The following ADGRL3 variants were observed in gnomAD, a reference collection of about 807,000 sequenced individuals.
ADGRL3 encodes calcium-independent alpha-latrotoxin receptor 3.
A neutral mutation model predicts 153.5 loss-of-function variants in ADGRL3; 62 were observed. That is an observed-to-expected ratio of 0.40 (90% CI 0.33 to 0.50). ADGRL3 has a LOEUF of 0.50. ADGRL3 is among the 20% of genes least tolerant of loss of function. The pLI is 0.47. For missense variants in ADGRL3, 1,641 were observed against 1,859.4 expected (o/e 0.88, Z 2.16); for synonymous variants, 710 against 672.5 (o/e 1.06, Z -0.86).
chr4:61,300,518 G>A (rs1291590147), intron 1 of ADGRL3, among the ~76,000 whole-genome samples: 3 of 152,142 alleles, frequency 2.0e-5, no homozygotes, highest in Admixed American at 2.0e-4. Flanking sequence ...AAGTGAATGA[G>A]AGGAAAGCAG....
intron 3 of ADGRL3, among the ~76,000 whole-genome samples, chr4:61,510,862 C>T (rs913310270): frequency 7.2e-5 from 11 of 151,920 alleles, no homozygotes; most frequent in African/African-American, 2.2e-4. Flanking sequence ...GGCAGTATGG[C>T]GATTCTAGCA....
intron 2 of ADGRL3, among the ~76,000 whole-genome samples, chr4:61,390,622 A>G (rs2096791381): frequency 6.6e-6 from 1 of 152,226 alleles, no homozygotes; most frequent in Non-Finnish European, 1.5e-5. Context: ...TGATGAATTA[A>G]CAAATAGATA....
chr4:61,629,545 C>T (rs1343128183), intron 5 of ADGRL3, among the ~76,000 whole-genome samples: 1 of 150,878 alleles, frequency 6.6e-6, no homozygotes, highest in Admixed American at 6.6e-5. Context: ...GGTAAAATCC[C>T]CTCTCTACTA....
intron 2 of ADGRL3, among the ~76,000 whole-genome samples, chr4:61,437,536 C>T (rs969074070): frequency 6.6e-6 from 1 of 152,136 alleles, no homozygotes; most frequent in African/African-American, 2.4e-5. Context: ...GCTGCCACTG[C>T]TATTTGAGTT....
chr4:61,659,155 A>G (rs987653488), intron 5 of ADGRL3, among the ~76,000 whole-genome samples: 3 of 152,112 alleles, frequency 2.0e-5, no homozygotes, highest in Non-Finnish European at 4.4e-5. Flanking sequence ...CCCTCTTCTT[A>G]TAAGGACACT....
intron 1 of ADGRL3, among the ~76,000 whole-genome samples, chr4:61,315,065 A>C (rs2095158255): frequency 6.6e-6 from 1 of 152,228 alleles, no homozygotes. Context: ...AAAGAAGGCT[A>C]CCTAAGGAAG....
At chr4:61,544,448 C>T (rs947451136) in intron 4 of ADGRL3, among the ~76,000 whole-genome samples, 7 of 152,112 alleles carry the variant, frequency 4.6e-5, no homozygotes, top group Non-Finnish European at 8.8e-5. Context: ...TTAAGAACTA[C>T]TGATGGTAAG....
intron 6 of ADGRL3, among the ~76,000 whole-genome samples, chr4:61,698,497 A>T (rs1420495511): frequency 2.0e-5 from 3 of 152,058 alleles, no homozygotes; most frequent in Admixed American, 2.0e-4. Context: ...ATACAAAAAT[A>T]CTTATTGAGC....
chr4:61,849,148 C>CT (rs1306404405), intron 9 of ADGRL3, among the ~76,000 whole-genome samples: 1 of 152,122 alleles, frequency 6.6e-6, no homozygotes, highest in African/African-American at 2.4e-5. Flanking sequence ...GTCTGGATTC[C>CT]TTTTTTCTCC....
chr4:61,348,699 T>C (rs2095977189), intron 1 of ADGRL3, among the ~76,000 whole-genome samples: 1 of 152,054 alleles, frequency 6.6e-6, no homozygotes, highest in Non-Finnish European at 1.5e-5. Context: ...GTTGATATAA[T>C]AATGAATTTA....
chr4:61,458,957 A>G (rs1044685963), intron 2 of ADGRL3, among the ~76,000 whole-genome samples: 2 of 151,544 alleles, frequency 1.3e-5, no homozygotes, highest in Non-Finnish European at 3.0e-5. Context: ...ATGAATGCTT[A>G]TTCAAAAATA....
intron 25 of ADGRL3, among the ~76,000 whole-genome samples, chr4:62,057,514 C>T (rs1049311961): frequency 2.0e-5 from 3 of 152,082 alleles, no homozygotes; most frequent in Admixed American, 2.0e-4. Flanking sequence ...GCTTTAGGAT[C>T]TGACTTTCTT....
At chr4:61,804,100 A>C (rs1179779557) in intron 8 of ADGRL3, among the ~76,000 whole-genome samples, 1 of 152,160 alleles carries the variant, frequency 6.6e-6, no homozygotes, top group African/African-American at 2.4e-5. Flanking sequence ...ATATATTTTA[A>C]ATTATCTTGA....
At chr4:61,677,661 A>G (rs1317976270) in intron 6 of ADGRL3, among the ~76,000 whole-genome samples, 2 of 152,030 alleles carry the variant, frequency 1.3e-5, no homozygotes. Flanking sequence ...AAAATCACTC[A>G]GGAAATTATG....
chr4:61,429,876 A>G (rs1291119137), intron 2 of ADGRL3, among the ~76,000 whole-genome samples: 2 of 152,140 alleles, frequency 1.3e-5, no homozygotes, highest in Non-Finnish European at 2.9e-5. Context: ...TATTTACCAC[A>G]CAGATGTCAT....
chr4:62,070,711 G>A lies in ADGRL3; in HGVS notation c.4435G>A (p.Ala1479Thr). The A allele has an allele frequency of 6.4e-7, 1 of 1,551,602 alleles. No homozygotes were observed. The highest frequency in any genetic ancestry group is 8.7e-7 in the Non-Finnish European group (1 of 1,146,956). ...TTSTQTEPPP[A>T]KCGDAEDVYY... ...CAGCACCCAGACCGAACCCCCACCG[G>A]CCAAATGTGGTGATGCCGAAGATGT... Residue 1479 changes from alanine (A) to threonine (T), a missense_variant, in exon 27 of 27, where the codon GCC becomes ACC. Physicochemically the swap from Ala to Thr is moderately conservative, Grantham distance 58. Transcript: ENST00000683033.
At chr4:61,336,327 G>A (rs1269892062) in intron 1 of ADGRL3, among the ~76,000 whole-genome samples, 1 of 152,034 alleles carries the variant, frequency 6.6e-6, no homozygotes, top group Middle Eastern at 3.2e-3. Context: ...TTTCATAAGC[G>A]ATTTGGACCT....
At chr4:61,660,351 A>G (rs953635659) in intron 5 of ADGRL3, among the ~76,000 whole-genome samples, 3 of 152,138 alleles carry the variant, frequency 2.0e-5, no homozygotes, top group African/African-American at 4.8e-5. Flanking sequence ...TTGCTTGCAC[A>G]ATTGTTACTT....
chr4:61,962,925 A>G (rs937522266), intron 17 of ADGRL3, among the ~76,000 whole-genome samples: 2 of 152,148 alleles, frequency 1.3e-5, no homozygotes, highest in Non-Finnish European at 2.9e-5. Context: ...AGTATAGACA[A>G]CTTATCAGCA....
Sources: allele counts gnomAD v4.1 joint callset (sites outside exome capture counted in the v4.1 genomes callset), GRCh38; gene constraint gnomAD v4.1.1; transcripts MANE v1.5; gene names NCBI Gene and HGNC (gene_info 2026-07-23, HGNC 2026-07-21).